SLC2A9: variants seen among roughly 807,000 people sequenced by gnomAD.
SLC2A9 encodes solute carrier family 2 member 9.
Under a neutral mutation model 50.6 loss-of-function variants are expected in SLC2A9, and 39 were observed. The observed-to-expected ratio is 0.77, with a 90% confidence interval of 0.60 to 1.01. SLC2A9 has a LOEUF of 1.01. SLC2A9 is among the 50% of genes least tolerant of loss of function. The pLI is 0.00. For synonymous variants in SLC2A9, 324 were observed against 276.9 expected, an observed-to-expected ratio of 1.17 and a Z score of -1.69; for missense variants, 686 against 677.6, an observed-to-expected ratio of 1.01 and a Z score of -0.14.
chr4:9,899,545 G>A (rs539348220), intron 8 of SLC2A9, among the ~76,000 whole-genome samples: 25 of 152,300 alleles, frequency 1.6e-4, no homozygotes, highest in African/African-American at 5.3e-4. Flanking sequence ...AGAGGACAGA[G>A]TGCCAGAAAC....
chr4:9,933,298 G>T (rs1176109533), intron 6 of SLC2A9, among the ~76,000 whole-genome samples: 2 of 152,208 alleles, frequency 1.3e-5, no homozygotes, highest in African/African-American at 4.8e-5. Flanking sequence ...CTTTCATTTT[G>T]CAGAGAGGTG....
intron 1 of SLC2A9, among the ~76,000 whole-genome samples, chr4:10,039,252 C>T (rs1326939605): frequency 1.3e-5 from 2 of 152,180 alleles, no homozygotes; most frequent in African/African-American, 2.4e-5. Context: ...CTTAACAGTG[C>T]CCAGTGGAGC....
At chr4:9,880,642 A>C (rs1460149266) in intron 10 of SLC2A9, 1 of 843,250 alleles carries the variant, frequency 1.2e-6, no homozygotes, top group Non-Finnish European at 1.4e-6. Flanking sequence ...GTTTGTGTGC[A>C]TGGGTGGGGA....
At chr4:9,896,925 T>C (rs1226012538) in intron 8 of SLC2A9, among the ~76,000 whole-genome samples, 1 of 152,262 alleles carries the variant, frequency 6.6e-6, no homozygotes, top group East Asian at 1.9e-4. Context: ...AATCTCATGC[T>C]GTCTTTATTC....
chr4:9,778,556 C>A (rs546080449), downstream of SLC2A9, among the ~76,000 whole-genome samples: 1 of 152,302 alleles, frequency 6.6e-6, no homozygotes, highest in South Asian at 2.1e-4. Flanking sequence ...AAACTCCACC[C>A]ACAGCTTTCA....
intron 11 of SLC2A9, among the ~76,000 whole-genome samples, chr4:9,828,290 C>T (rs1161821027): frequency 6.6e-6 from 1 of 152,206 alleles, no homozygotes; most frequent in Non-Finnish European, 1.5e-5. Context: ...TTGGTGCAAG[C>T]CACCATCATG....
Position 10,021,410 on chromosome 4 carries a change from C to G in SLC2A9, c.20G>C (p.Arg7Thr). 6.2e-7 allele frequency: 1 copy of G among 1,614,202 alleles called. No homozygotes were observed. Among genetic ancestry groups the G allele is most frequent in the South Asian group, 1.1e-5 (1 of 91,082 alleles). MARKQN[R>T]NSKELGLVPL... ...AACTAGGCCCAGTTCCTTGGAATTC[C>G]TATTTTGTTTCCTTGCCATGGGTCT... The change falls in exon 1 of 12, where the codon AGG (arginine) becomes ACG (threonine). Residue 7 changes from arginine to threonine, a missense_variant. By Grantham distance (71) the Arg-to-Thr change is moderately conservative. Transcript: ENST00000264784.
intron 8 of SLC2A9, among the ~76,000 whole-genome samples, chr4:9,902,775 A>T (rs1739886742): frequency 6.6e-6 from 1 of 152,206 alleles, no homozygotes; most frequent in Non-Finnish European, 1.5e-5. Context: ...ACCCTATTCC[A>T]GTATAACCGT....
chr4:9,882,079 G>A (rs762155588), intron 10 of SLC2A9, among the ~76,000 whole-genome samples: 3 of 152,228 alleles, frequency 2.0e-5, no homozygotes, highest in Non-Finnish European at 2.9e-5. Flanking sequence ...ACCTGAAGCA[G>A]GAATGGCTGG....
intron 3 of SLC2A9, among the ~76,000 whole-genome samples, chr4:9,816,787 G>A (rs1256039138): frequency 6.6e-6 from 1 of 151,848 alleles, no homozygotes; most frequent in Non-Finnish European, 1.5e-5. Context: ...TTTTCTGTAA[G>A]TGTGAAAGTA....
chr4:9,891,036 T>G (rs1023570923), intron 8 of SLC2A9, among the ~76,000 whole-genome samples: 1 of 152,300 alleles, frequency 6.6e-6, no homozygotes, highest in Non-Finnish European at 1.5e-5. Flanking sequence ...ACAGCCCTTC[T>G]CCTCCTTCAG....
At chr4:9,871,295 C>T (rs1190307127) in intron 10 of SLC2A9, among the ~76,000 whole-genome samples, 1 of 152,110 alleles carries the variant, frequency 6.6e-6, no homozygotes, top group Admixed American at 6.5e-5. Context: ...TGGCTATATT[C>T]GTTTTCTAGG....
chr4:9,984,559 G>A (rs1560437065), intron 4 of SLC2A9, among the ~76,000 whole-genome samples: 1 of 152,202 alleles, frequency 6.6e-6, no homozygotes, highest in African/African-American at 2.4e-5. Context: ...ACTTGCAGCA[G>A]AACTGAGATC....
chr4:9,783,012 G>A (rs757926678), intron 3 of SLC2A9: 4 of 1,614,054 alleles, frequency 2.5e-6, no homozygotes, highest in East Asian at 4.5e-5. Context: ...CACCCCGAAG[G>A]CCCTCCGGCC....
rs968021703 is a variant in SLC2A9 at position 9,913,330 on chromosome 4, T to TGAGAGA, written c.1003-4991_1003-4986dup. On this transcript the variant is annotated intron_variant, in intron 7 of 11. Transcript: ENST00000264784. ...GTGTGTGTGTGTGTGTGTGTGTGTG[T>TGAGAGA]GAGAGAGAGAGAGAGAGAGAGAGAG... Among the ~76,000 whole-genome samples the TGAGAGA allele has an allele frequency of 4.1e-3, 368 of 88,804 alleles. 1 individual carries two copies. The highest frequency in any genetic ancestry group is 7.6e-3 in the Admixed American group (61 of 8,028). 58.3% of individuals were successfully genotyped at this position (88,804 alleles called of 152,430 possible). A position where few individuals can be genotyped will look rare whatever the true frequency, so the allele number is the denominator to read the frequency against.
Position 9,979,458 on chromosome 4 carries a change from A to G in SLC2A9, c.681+1134T>C, listed in dbSNP as rs114904331. 9.4e-3 allele frequency among the ~76,000 whole-genome samples: 1,433 copies of G among 151,860 alleles called. 26 individuals carry two copies. Among genetic ancestry groups the G allele is most frequent in the African/African-American group, 0.033 (1,382 of 41,378 alleles). Reference sequence around the variant, plus strand: ...ATCATTAGTGGTTTAATCTCTGCCTACCCTCCTGCCCTGCCTGTGTGAGTG... The same window carrying G: ...ATCATTAGTGGTTTAATCTCTGCCTGCCCTCCTGCCCTGCCTGTGTGAGTG... On this transcript the variant is annotated intron_variant, in intron 5 of 11. Transcript: ENST00000264784.
intron 10 of SLC2A9, among the ~76,000 whole-genome samples, chr4:9,862,407 C>G (rs1409856313): frequency 6.6e-6 from 1 of 152,080 alleles, no homozygotes; most frequent in Non-Finnish European, 1.5e-5. Flanking sequence ...AAAGCCACTT[C>G]TTTGAGCACT....
At chr4:9,933,174 C>A (rs1460556501) in intron 6 of SLC2A9, among the ~76,000 whole-genome samples, 2 of 152,218 alleles carry the variant, frequency 1.3e-5, no homozygotes, top group African/African-American at 4.8e-5. Flanking sequence ...AAAAGGAGGA[C>A]AAAGTTTGAC....
chr4:10,021,163 C>A, intron 1 of SLC2A9, 117 bp downstream of exon 1: 1 of 1,109,326 alleles, frequency 9.0e-7, no homozygotes, highest in Non-Finnish European at 1.4e-6. Context: ...TGCCTCAAAG[C>A]CCCAGATCCC....
Sources: gnomAD v4.1 joint callset for allele counts (sites outside exome capture counted in the v4.1 genomes callset) on GRCh38, gnomAD v4.1.1 for gene constraint, MANE v1.5 for transcripts, NCBI Gene and HGNC (gene_info 2026-07-23, HGNC 2026-07-21) for gene names.